Variants in PALD1 observed in about 807,000 individuals in gnomAD.
PALD1 encodes the protein paladin.
PALD1 carries 57 observed loss-of-function variants against 96.0 expected under a neutral mutation model. The ratio of observed to expected loss-of-function variants is 0.59; its 90% CI spans 0.48 to 0.74. The LOEUF (loss-of-function observed/expected upper bound fraction) is 0.74, where lower values mean the gene tolerates loss of function less well. PALD1 is among the 30% of genes least tolerant of loss of function. The probability of loss-of-function intolerance (pLI) is 0.00; values close to 1 mark genes in which losing one functional copy is unlikely to be tolerated. For missense variants in PALD1, 1,063 were observed against 1,143.7 expected (o/e 0.93, Z 1.02); for synonymous variants, 464 against 473.6 (o/e 0.98, Z 0.26).
the PALD1 span, among the ~76,000 whole-genome samples, chr10:70,469,487 G>A: frequency 6.6e-6 from 1 of 152,216 alleles, no homozygotes; most frequent in Admixed American, 6.5e-5. Context: ...GCTAGTTGAA[G>A]TGAATGTGCA....
At chr10:70,514,037 T>A (rs181641798) in intron 1 of PALD1, among the ~76,000 whole-genome samples, 1 of 152,310 alleles carries the variant, frequency 6.6e-6, no homozygotes, top group East Asian at 1.9e-4. Flanking sequence ...CCACAGCTTC[T>A]CTCCACTCAG....
At chr10:70,484,153 C>T (rs1328784634) in intron 1 of PALD1, among the ~76,000 whole-genome samples, 1 of 152,094 alleles carries the variant, frequency 6.6e-6, no homozygotes. Flanking sequence ...CAGGTGCCCA[C>T]CACTACGCCC....
chr10:70,565,694 C>T (rs534745684), intron 19 of PALD1, among the ~76,000 whole-genome samples: 43 of 152,236 alleles, frequency 2.8e-4, no homozygotes, highest in African/African-American at 9.9e-4. Context: ...TGTGTTGAGT[C>T]GGGAGACCTG....
chr10:70,497,366 G>A (rs557871593), intron 1 of PALD1, among the ~76,000 whole-genome samples: 4 of 152,272 alleles, frequency 2.6e-5, no homozygotes, highest in Admixed American at 1.3e-4. Flanking sequence ...GTCTGGGGCC[G>A]GCGCATGCCT....
intron 17 of PALD1, among the ~76,000 whole-genome samples, chr10:70,546,842 T>C (rs1847375353): frequency 6.6e-6 from 1 of 152,126 alleles, no homozygotes; most frequent in Non-Finnish European, 1.5e-5. Context: ...TCCCAGCAGC[T>C]CAGGAGGCTG....
At chr10:70,566,447 G>GT in intron 19 of PALD1, 134 bp from the exon 20 acceptor site, 1 of 670,052 alleles carries the variant, frequency 1.5e-6, no homozygotes, top group Non-Finnish European at 2.6e-6. Context: ...GCTCAGAGAA[G>GT]TTAACAGAAG....
the PALD1 span, among the ~76,000 whole-genome samples, chr10:70,463,264 C>T: frequency 2.0e-5 from 3 of 152,252 alleles, no homozygotes; most frequent in East Asian, 3.9e-4. Context: ...ATTAGCCGGG[C>T]ATGGTGGCAG....
At chr10:70,458,916 C>G in the PALD1 span, among the ~76,000 whole-genome samples, 1 of 152,244 alleles carries the variant, frequency 6.6e-6, no homozygotes, top group African/African-American at 2.4e-5. Context: ...CCAGGCGAGG[C>G]CTGGTGCGTG....
Position 70,534,838 on chromosome 10 carries a change from G to C in PALD1, c.1222G>C (p.Ala408Pro). 6.2e-7 allele frequency: 1 copy of C among 1,605,328 alleles called. No individual in the cohort carries two copies. Among genetic ancestry groups the C allele is most frequent in the Non-Finnish European group, 8.5e-7 (1 of 1,173,492 alleles). The change falls in exon 10 of 20, where the codon GCC becomes CCC. Residue 408 changes from alanine to proline, a missense_variant. By Grantham distance (27) the Ala-to-Pro change is conservative. Coordinates refer to ENST00000263563, the MANE Select transcript of PALD1 (RefSeq NM_014431.3). ...AGAAGGTATCCGACCGGAGAGCCCAGCCCAGGTGAGGCATGGAAGGACGTG... is the reference window on the plus strand; with the variant it reads ...AGAAGGTATCCGACCGGAGAGCCCACCCCAGGTGAGGCATGGAAGGACGTG... Reference protein sequence around the residue: ...KLEGIRPESPAQGSGSRHSVW... With the variant: ...KLEGIRPESPPQGSGSRHSVW...
intron 1 of PALD1, among the ~76,000 whole-genome samples, chr10:70,495,871 C>A (rs1431427007): frequency 1.3e-5 from 2 of 150,846 alleles, no homozygotes; most frequent in African/African-American, 4.9e-5. Context: ...TAGCCAGCTG[C>A]GGTAGTGTGT....
At chr10:70,563,616 C>A (rs12354593) in intron 18 of PALD1, among the ~76,000 whole-genome samples, 1 of 152,146 alleles carries the variant, frequency 6.6e-6, no homozygotes, top group Non-Finnish European at 1.5e-5. Context: ...TTACCTGTCC[C>A]CAGCCTTGGA....
At chr10:70,491,165 T>C (rs1392397227) in intron 1 of PALD1, among the ~76,000 whole-genome samples, 1 of 152,214 alleles carries the variant, frequency 6.6e-6, no homozygotes, top group African/African-American at 2.4e-5. Context: ...CAGGATGGTC[T>C]CGATCTCCTG....
chr10:70,531,371 G>A lies in PALD1; in HGVS notation c.550G>A (p.Asp184Asn). Residue 184 changes from aspartate to asparagine, a missense_variant, in exon 5 of 20, where the codon GAC becomes AAC. Transcript: ENST00000263563. ...GGACTTTGTGTCCTACACACCTCGA[G>A]ACAAGCAGAACCTTCATGAGAACCT... is the stretch of plus-strand genomic sequence containing the variant. ...DEDFVSYTPR[D>N]KQNLHENLQG... is the part of the protein sequence containing the mutation. 6.2e-7 allele frequency: 1 copy of A among 1,614,114 alleles called. No homozygotes were observed. The highest frequency in any genetic ancestry group is 8.5e-7 in the Non-Finnish European group (1 of 1,179,992).
intron 1 of PALD1, among the ~76,000 whole-genome samples, chr10:70,525,704 G>A (rs78994984): frequency 0.011 from 1,737 of 152,138 alleles, 33 homozygotes; most frequent in African/African-American, 0.039. Flanking sequence ...GTCTATGTCC[G>A]TGACTCCCCC....
intron 1 of PALD1, among the ~76,000 whole-genome samples, chr10:70,498,384 ATCC>A (rs1846231778): frequency 1.3e-5 from 2 of 152,126 alleles, no homozygotes; most frequent in South Asian, 2.1e-4. Context: ...GGCTCAAGCA[ATCC>A]TCCTGTTTCA....
intron 8 of PALD1, 27 bp from the exon 9 acceptor site, chr10:70,534,398 G>A: frequency 6.5e-7 from 1 of 1,526,782 alleles, no homozygotes; most frequent in Non-Finnish European, 9.0e-7. Context: ...GGAAGAGCCT[G>A]CTAATGTACT....
rs147124296 is a variant in PALD1, at chr10:70,485,568, C to T, written c.-30+6509C>T. 5.1e-3 allele frequency among the ~76,000 whole-genome samples: 779 copies of T among 152,182 alleles called. 6 individuals carry two copies. The highest frequency in any genetic ancestry group is 0.018 in the African/African-American group (754 of 41,494). The stretch of plus-strand genomic sequence containing the variant: ...GGGACTACAAGTGTGCACCACCACA[C>T]CCGGCTGATTTTTGCATTTTTAGTA... On this transcript the variant is annotated intron_variant, in intron 1 of 19. Coordinates refer to ENST00000263563, the MANE Select transcript of PALD1 (RefSeq NM_014431.3).
chr10:70,486,860 C>T (rs775626157), intron 1 of PALD1, among the ~76,000 whole-genome samples: 18 of 152,216 alleles, frequency 1.2e-4, no homozygotes, highest in South Asian at 8.3e-4. Context: ...TCCCTCCCTT[C>T]CTCCCGAGGC....
intron 18 of PALD1, among the ~76,000 whole-genome samples, chr10:70,562,018 G>A (rs954123365): frequency 6.6e-6 from 1 of 152,262 alleles, no homozygotes; most frequent in African/African-American, 2.4e-5. Flanking sequence ...GATGGGCACG[G>A]TGTAGTGGTC....
Sources: gnomAD v4.1 joint callset for allele counts (sites outside exome capture counted in the v4.1 genomes callset) on GRCh38, gnomAD v4.1.1 for gene constraint, MANE v1.5 for transcripts, NCBI Gene and HGNC (gene_info 2026-07-23, HGNC 2026-07-21) for gene names.